ZC3H12B: variants seen among roughly 807,000 people sequenced by gnomAD.
ZC3H12B encodes the protein zinc finger CCCH-type containing 12B.
In ZC3H12B, 7 loss-of-function variants were observed where a neutral mutation model predicts 43.9. The ratio of observed to expected loss-of-function variants is 0.16; its 90% CI spans 0.09 to 0.30. The LOEUF (loss-of-function observed/expected upper bound fraction) is 0.30. Among genes scored for constraint, ZC3H12B ranks in the 10% least tolerant of loss-of-function variants. The pLI is 1.00. For missense variants in ZC3H12B, 475 were observed against 670.2 expected (o/e 0.71, Z 3.22); for synonymous variants, 222 against 241.7 (o/e 0.92, Z 0.76).
intron 2 of ZC3H12B, 106 bp downstream of exon 7, chrX:65,497,377 A>T: frequency 1.4e-6 from 1 of 726,129 alleles, no homozygotes; most frequent in South Asian, 5.4e-5. Context: ...TGTTAAGTAT[A>T]TTTAAAGTAT....
the ZC3H12B span, among the ~76,000 whole-genome samples, chrX:65,051,412 C>T: frequency 9.0e-6 from 1 of 110,642 alleles, no homozygotes; most frequent in African/African-American, 3.3e-5. Context: ...TTTCTAGTGC[C>T]TTCAGATGTA....
At chrX:65,159,398 G>C in the ZC3H12B span, among the ~76,000 whole-genome samples, 1 of 111,887 alleles carries the variant, frequency 8.9e-6, no homozygotes, top group African/African-American at 3.2e-5. Context: ...TCCTACCCAT[G>C]AGCATGGAAT....
chrX:65,053,781 CTT>C, the ZC3H12B span, among the ~76,000 whole-genome samples: 3 of 111,696 alleles, frequency 2.7e-5, no homozygotes, highest in Non-Finnish European at 5.6e-5. Flanking sequence ...TGTTTCCTGA[CTT>C]TTTAATGATC....
chrX:65,114,068 G>C, the ZC3H12B span, among the ~76,000 whole-genome samples: 4 of 90,394 alleles, frequency 4.4e-5, no homozygotes, highest in East Asian at 1.7e-3. Flanking sequence ...ATTGATTTTT[G>C]TATGTTTGAA....
At chrX:65,368,915 A>G (rs1349602299) in exon 2 of ZC3H12B, 2 of 112,217 alleles carry the variant, frequency 1.8e-5, no homozygotes, top group Non-Finnish European at 3.8e-5. Flanking sequence ...TAAAAAATAC[A>G]GACGTGGACT....
the ZC3H12B span, among the ~76,000 whole-genome samples, chrX:65,229,781 A>G: frequency 5.6e-5 from 6 of 106,397 alleles, no homozygotes; most frequent in Admixed American, 1.0e-4. Context: ...AACACATGAA[A>G]AAATGCTCAT....
the ZC3H12B span, among the ~76,000 whole-genome samples, chrX:65,172,119 A>C: frequency 1.8e-5 from 2 of 112,301 alleles, no homozygotes; most frequent in Non-Finnish European, 3.8e-5. Context: ...ACACTGGGAG[A>C]TGTAGACTGG....
chrX:65,120,609 C>G, the ZC3H12B span, among the ~76,000 whole-genome samples: 1 of 111,425 alleles, frequency 9.0e-6, no homozygotes, highest in Non-Finnish European at 1.9e-5. Flanking sequence ...GACAATTTGA[C>G]TTCCTTTTTT....
At chrX:65,454,486 G>A (rs758026519) in intron 3 of ZC3H12B, among the ~76,000 whole-genome samples, 9 of 112,205 alleles carry the variant, frequency 8.0e-5, no homozygotes, top group African/African-American at 1.3e-4. Flanking sequence ...GCTGGGAAGC[G>A]TGAACTGGGT....
the ZC3H12B span, among the ~76,000 whole-genome samples, chrX:65,052,732 C>A: frequency 1.8e-5 from 2 of 111,637 alleles, no homozygotes; most frequent in Non-Finnish European, 3.8e-5. Context: ...AACAGTGCTG[C>A]AACCACCATA....
the ZC3H12B span, among the ~76,000 whole-genome samples, chrX:65,152,461 G>C: frequency 9.0e-6 from 1 of 111,375 alleles, no homozygotes; most frequent in African/African-American, 3.3e-5. Context: ...CAAATCATGA[G>C]TGAACTCCCA....
At chrX:65,171,665 C>T in the ZC3H12B span, among the ~76,000 whole-genome samples, 1 of 111,021 alleles carries the variant, frequency 9.0e-6, no homozygotes, top group Non-Finnish European at 1.9e-5. Context: ...GTAGGCAGGC[C>T]TCCTTGATCT....
chrX:65,230,250 T>C, the ZC3H12B span, among the ~76,000 whole-genome samples: 4 of 110,502 alleles, frequency 3.6e-5, no homozygotes, highest in East Asian at 2.8e-4. Flanking sequence ...ATGGATGAAA[T>C]TGGAAATCAT....
chrX:65,193,361 C>A, the ZC3H12B span, among the ~76,000 whole-genome samples: 1 of 111,478 alleles, frequency 9.0e-6, no homozygotes, highest in South Asian at 3.7e-4. Context: ...ATGGTTCAAT[C>A]TTAGTTGGTT....
chrX:65,134,723 G>T, the ZC3H12B span, among the ~76,000 whole-genome samples: 3 of 111,459 alleles, frequency 2.7e-5, no homozygotes, highest in African/African-American at 9.8e-5. Context: ...TGTCACGTGC[G>T]TCCGTGTGAA....
At chrX:65,055,755 C>G in the ZC3H12B span, among the ~76,000 whole-genome samples, 1 of 111,573 alleles carries the variant, frequency 9.0e-6, no homozygotes, top group Non-Finnish European at 1.9e-5. Flanking sequence ...ATTATTGCCT[C>G]ACTTTCAGAG....
At chrX:65,207,055 G>A in the ZC3H12B span, among the ~76,000 whole-genome samples, 1 of 109,819 alleles carries the variant, frequency 9.1e-6, no homozygotes, top group East Asian at 2.9e-4. Flanking sequence ...TTACACTGCT[G>A]GTGGGAATGA....
chrX:65,458,062 TAAAAAAAA>T (rs56840636), intron 3 of ZC3H12B, among the ~76,000 whole-genome samples: 3 of 15,869 alleles, frequency 1.9e-4, no homozygotes, highest in South Asian at 4.0e-3. Context: ...GAATGATCAA[TAAAAAAAA>T]AAAAAAAAAA....
the ZC3H12B span, among the ~76,000 whole-genome samples, chrX:65,038,250 C>CT: frequency 6.3e-5 from 7 of 110,892 alleles, no homozygotes; most frequent in African/African-American, 1.3e-4. Flanking sequence ...CCTTCTGTAC[C>CT]TTTTTTTTGG....
Sources: allele counts gnomAD v4.1 joint callset (sites outside exome capture counted in the v4.1 genomes callset), GRCh38; gene constraint gnomAD v4.1.1; transcripts MANE v1.5; gene names NCBI Gene and HGNC (gene_info 2026-07-23, HGNC 2026-07-21).